The following FAM13A variants were observed in gnomAD, a reference collection of about 807,000 sequenced individuals.
FAM13A encodes protein FAM13A.
Under a neutral mutation model 129.6 loss-of-function variants are expected in FAM13A, and 76 were observed. The ratio of observed to expected loss-of-function variants is 0.59; its 90% confidence interval spans 0.49 to 0.71. FAM13A has a LOEUF of 0.71. Ranked by LOEUF, FAM13A falls within the 30% of genes least tolerant of loss-of-function variation. The probability of loss-of-function intolerance (pLI) is 0.00; values close to 1 mark genes in which losing one functional copy is unlikely to be tolerated. For missense variants in FAM13A, 1,108 were observed against 1,249.3 expected (o/e 0.89, Z 1.70); for synonymous variants, 443 against 449.9 (o/e 0.98, Z 0.20).
intron 14 of FAM13A, among the ~76,000 whole-genome samples, chr4:88,757,794 A>T (rs1164028905): frequency 6.6e-6 from 1 of 152,190 alleles, no homozygotes; most frequent in Admixed American, 6.5e-5. Context: ...TCCTTCATCT[A>T]AGGTCATTAA....
chr4:88,753,412 G>A (rs557475849), intron 14 of FAM13A, among the ~76,000 whole-genome samples: 1 of 152,268 alleles, frequency 6.6e-6, no homozygotes, highest in South Asian at 2.1e-4. Flanking sequence ...CCTTTTCCTA[G>A]CGTCTCCCAT....
At chr4:88,902,189 G>A (rs1747405089) in intron 6 of FAM13A, among the ~76,000 whole-genome samples, 1 of 152,008 alleles carries the variant, frequency 6.6e-6, no homozygotes, top group Non-Finnish European at 1.5e-5. Flanking sequence ...CAAAGAAGAG[G>A]TGGTACCATT....
chr4:88,875,967 A>C (rs911963241), intron 6 of FAM13A, among the ~76,000 whole-genome samples: 1 of 152,218 alleles, frequency 6.6e-6, no homozygotes, highest in Non-Finnish European at 1.5e-5. Flanking sequence ...AGCCACAAAA[A>C]AGGATGAATT....
intron 21 of FAM13A, among the ~76,000 whole-genome samples, chr4:88,736,981 G>A (rs555941655): frequency 6.6e-6 from 1 of 152,250 alleles, no homozygotes; most frequent in East Asian, 1.9e-4. Flanking sequence ...TAAGATATTT[G>A]TAGAAGTACA....
chr4:88,912,100 G>C (rs1405332868), intron 5 of FAM13A, among the ~76,000 whole-genome samples: 2 of 152,154 alleles, frequency 1.3e-5, no homozygotes, highest in African/African-American at 4.8e-5. Flanking sequence ...GCTTTTGATG[G>C]TTAAATTTAG....
Position 88,755,618 on chromosome 4 carries a change from G to C in FAM13A, c.1726+3136C>G, listed in dbSNP as rs562673915. 2.6e-5 allele frequency among the ~76,000 whole-genome samples: 4 copies of C among 152,264 alleles called. No homozygotes were observed. The East Asian group carries it at 7.7e-4, about 29-fold the overall frequency. ...CATCAGGTGCAAATGAGGAGACTTTGTTACTTTGAATCATCATTTTGCTTC... is the reference window on the plus strand; with the variant it reads ...CATCAGGTGCAAATGAGGAGACTTTCTTACTTTGAATCATCATTTTGCTTC... On this transcript the variant is annotated intron_variant, in intron 14 of 23. Coordinates refer to ENST00000264344, the MANE Select transcript of FAM13A (RefSeq NM_014883.4).
intron 6 of FAM13A, among the ~76,000 whole-genome samples, chr4:88,878,521 A>T (rs150093977): frequency 5.3e-4 from 80 of 152,236 alleles, no homozygotes; most frequent in African/African-American, 1.9e-3. Flanking sequence ...ATTTTAATAA[A>T]TCAATTTAAA....
intron 4 of FAM13A, among the ~76,000 whole-genome samples, chr4:88,989,368 G>A (rs750697633): frequency 5.3e-5 from 8 of 152,168 alleles, no homozygotes; most frequent in South Asian, 4.1e-4. Context: ...TAGGGAGGTC[G>A]CGGCAGGTGG....
At chr4:88,731,496 T>A in intron 22 of FAM13A, 68 bp from the exon 23 acceptor site, 1 of 907,456 alleles carries the variant, frequency 1.1e-6, no homozygotes, top group Non-Finnish European at 1.7e-6. Context: ...GATGAATGTG[T>A]AACTCAACAG....
At chr4:88,750,352 A>G (rs1386232973) in intron 15 of FAM13A, 72 bp downstream of exon 15, 1 of 1,248,952 alleles carries the variant, frequency 8.0e-7, no homozygotes, top group South Asian at 1.2e-5. Context: ...ATTATTCACT[A>G]TCAGTGCCAT....
intron 4 of FAM13A, among the ~76,000 whole-genome samples, chr4:88,965,455 TGAAG>T (rs1448434604): frequency 1.2e-4 from 19 of 152,012 alleles, no homozygotes; most frequent in Non-Finnish European, 2.6e-4. Flanking sequence ...TAAAATCTCA[TGAAG>T]GAAGAAAAAA....
At chr4:89,054,957 C>T (rs1393046220) in intron 1 of FAM13A, among the ~76,000 whole-genome samples, 1 of 152,194 alleles carries the variant, frequency 6.6e-6, no homozygotes, top group Non-Finnish European at 1.5e-5. Flanking sequence ...CTCCCTACTT[C>T]TCTCTTCCCC....
At chr4:88,755,999 G>A (rs1042531981) in intron 14 of FAM13A, among the ~76,000 whole-genome samples, 12 of 152,236 alleles carry the variant, frequency 7.9e-5, no homozygotes, top group African/African-American at 2.9e-4. Flanking sequence ...ATACTGAATA[G>A]AGTAGCTGAC....
chr4:88,786,853 G>A (rs984348012), intron 10 of FAM13A, among the ~76,000 whole-genome samples: 3 of 151,484 alleles, frequency 2.0e-5, no homozygotes, highest in African/African-American at 7.3e-5. Flanking sequence ...TGCGAATGAG[G>A]GGTGTGGGAC....
intron 7 of FAM13A, among the ~76,000 whole-genome samples, chr4:88,829,719 A>G (rs532616716): frequency 1.3e-5 from 2 of 152,338 alleles, no homozygotes; most frequent in Admixed American, 6.5e-5. Flanking sequence ...CAAAATGTCA[A>G]TAAAAAAGGG....
chr4:88,770,931 C>T (rs1720553417), intron 11 of FAM13A, among the ~76,000 whole-genome samples: 1 of 152,180 alleles, frequency 6.6e-6, no homozygotes, highest in Non-Finnish European at 1.5e-5. Context: ...ACGTAGTTCA[C>T]AAAGGCTGAT....
In FAM13A at chr4:89,000,516, G is replaced by C. The variant is rs576249428; in HGVS notation, c.428-9366C>G. 5.3e-5 allele frequency among the ~76,000 whole-genome samples: 8 copies of C among 152,254 alleles called. No individual in the cohort carries two copies. The South Asian group carries it at 1.5e-3, about 28-fold the overall frequency. On this transcript the variant is annotated intron_variant, in intron 3 of 23. Coordinates refer to ENST00000264344, the MANE Select transcript of FAM13A (RefSeq NM_014883.4). ...GACTGGTCTTTGCCTAAGGATGTGGGTGGTGGGAGGAGGGAGGAATGGGGA... is the reference window on the plus strand; with the variant it reads ...GACTGGTCTTTGCCTAAGGATGTGGCTGGTGGGAGGAGGGAGGAATGGGGA...
intron 19 of FAM13A, among the ~76,000 whole-genome samples, chr4:88,746,414 G>A (rs151025387): frequency 1.3e-5 from 2 of 152,282 alleles, no homozygotes; most frequent in Admixed American, 6.5e-5. Flanking sequence ...GCCATATTTT[G>A]GATTCCTCAC....
intron 4 of FAM13A, 67 bp from the exon 5 acceptor site, chr4:88,938,308 GA>G (rs1754168045): frequency 3.9e-6 from 5 of 1,272,558 alleles, no homozygotes; most frequent in Non-Finnish European, 5.5e-6. Context: ...AGCTGACTCA[GA>G]CTTGTATTTT....
Sources: gnomAD v4.1 joint callset for allele counts (sites outside exome capture counted in the v4.1 genomes callset) on GRCh38, gnomAD v4.1.1 for gene constraint, MANE v1.5 for transcripts, NCBI Gene and HGNC (gene_info 2026-07-23, HGNC 2026-07-21) for gene names.